The following LRRTM1 variants were observed in gnomAD, a reference collection of about 807,000 sequenced individuals.
LRRTM1 encodes leucine rich repeat transmembrane neuronal 1.
A neutral mutation model predicts 37.3 loss-of-function variants in LRRTM1; 8 were observed. The observed-to-expected ratio is 0.21, with a 90% CI of 0.13 to 0.39. LRRTM1 has a LOEUF of 0.39. Ranked by LOEUF, LRRTM1 falls within the 10% of genes least tolerant of loss-of-function variation. The pLI is 1.00. For synonymous variants in LRRTM1, 326 were observed against 316.8 expected (o/e 1.03, Z -0.31); for missense variants, 557 against 691.0 (o/e 0.81, Z 2.17).
downstream of LRRTM1, among the ~76,000 whole-genome samples, chr2:80,301,502 A>G (rs1352679346): frequency 6.6e-6 from 1 of 152,126 alleles, no homozygotes; most frequent in Non-Finnish European, 1.5e-5. Context: ...CCTAGGAGAA[A>G]CTGTCTGGCA....
rs1162011497 is a variant in LRRTM1, at chr2:80,303,583, C to T, written c.237G>A (p.Glu79=). ...ACCCCGTGAACTGGCCGGCGCGCAG[C>T]TCCGAGAGGCTGTTGTAGCGCAGGG... ...GLSLRYNSLS[E]LRAGQFTGLM... The change falls in exon 2 of 2, where the codon GAG becomes GAA. Residue 79 remains glutamate (E), a synonymous_variant. Coordinates refer to ENST00000295057, the MANE Select transcript of LRRTM1 (RefSeq NM_178839.5). This position sits in a 1 kb window ranked among gnomAD's most constrained non-coding sequence, Gnocchi z 7.7. 2 of 1,614,226 alleles carry T rather than the reference C, an allele frequency of 1.2e-6. No homozygotes were observed. The highest frequency in any genetic ancestry group is 1.7e-6 in the Non-Finnish European group (2 of 1,180,046).
chr2:80,295,569 C>G (rs1675669947), intron 2 of LRRTM1, among the ~76,000 whole-genome samples: 1 of 152,136 alleles, frequency 6.6e-6, no homozygotes, highest in Non-Finnish European at 1.5e-5. Context: ...CTCTTGAAAA[C>G]CACTTTTGTT....
intron 2 of LRRTM1, among the ~76,000 whole-genome samples, chr2:80,295,342 T>G (rs1289922140): frequency 6.6e-6 from 1 of 152,038 alleles, no homozygotes; most frequent in African/African-American, 2.4e-5. Flanking sequence ...CTTCTGCACA[T>G]TCTAAAAACC....
chr2:80,296,515 G>T (rs902397367), intron 2 of LRRTM1, among the ~76,000 whole-genome samples: 1 of 152,096 alleles, frequency 6.6e-6, no homozygotes, highest in Non-Finnish European at 1.5e-5. Flanking sequence ...GTTAACTTTT[G>T]CTGATTATCA....
downstream of LRRTM1, among the ~76,000 whole-genome samples, chr2:80,299,861 T>C (rs1676084251): frequency 6.6e-6 from 1 of 152,184 alleles, no homozygotes; most frequent in South Asian, 2.1e-4. Flanking sequence ...AGCTCTTTAA[T>C]GCACCAAGCC....
exon 3 of LRRTM1, chr2:80,288,505 A>G (rs1674966487): frequency 6.6e-6 from 1 of 152,232 alleles, no homozygotes; most frequent in South Asian, 2.1e-4. Context: ...GCTGTTTATT[A>G]CAGATGTGCT....
chr2:80,291,441 T>C (rs903301300), intron 2 of LRRTM1, among the ~76,000 whole-genome samples: 1 of 152,236 alleles, frequency 6.6e-6, no homozygotes, highest in Non-Finnish European at 1.5e-5. Flanking sequence ...AGTTTGTCTC[T>C]TGATACAGGA....
In LRRTM1 at chr2:80,303,023, T is replaced by C; in HGVS notation, c.797A>G (p.Asn266Ser). 6.2e-7 allele frequency: 1 copy of C among 1,613,708 alleles called. No homozygotes were observed. The highest frequency in any genetic ancestry group is 8.5e-7 in the Non-Finnish European group (1 of 1,179,966). Residue 266 changes from asparagine to serine, a missense_variant, in exon 2 of 2, where the codon AAC becomes AGC. This residue lies in a region of LRRTM1 where 200 missense variants were observed against 249.9 expected (regional missense o/e 0.80). Coordinates refer to ENST00000295057, the MANE Select transcript of LRRTM1 (RefSeq NM_178839.5). The surrounding 1 kb of genome is among the most constrained non-coding windows in gnomAD (Gnocchi z 7.7). ...ATGGGGCTCCATGTACTCGATCTCG[T>C]TGCCCGACAAGTCCATTTTCTCCAG... ...WNLEKMDLSG[N>S]EIEYMEPHVF...
In LRRTM1 at chr2:80,303,481, G is replaced by A. The variant is rs757711718; in HGVS notation, c.339C>T (p.Arg113=). The A allele has an allele frequency of 6.2e-7, 1 of 1,614,212 alleles. No individual in the cohort carries two copies. The highest frequency in any genetic ancestry group is 1.1e-5 in the South Asian group (1 of 91,088). Residue 113 remains arginine (R), a synonymous_variant, in exon 2 of 2, where the codon CGC becomes CGT. Transcript: ENST00000295057. This position sits in a 1 kb window ranked among gnomAD's most constrained non-coding sequence, Gnocchi z 7.7. ...SVQGDAFQKL[R]RVKELTLSSN... ...AACTCAGCGTGAGTTCCTTAACTCG[G>A]CGCAGTTTCTGAAAGGCGTCCCCCT...
chr2:80,294,660 A>AAC (rs1367582846), intron 2 of LRRTM1, among the ~76,000 whole-genome samples: 4 of 151,992 alleles, frequency 2.6e-5, no homozygotes, highest in South Asian at 4.2e-4. Flanking sequence ...TAATAATAAA[A>AAC]ATAATTCTCC....
intron 2 of LRRTM1, among the ~76,000 whole-genome samples, chr2:80,291,957 G>A (rs2149181133): frequency 6.6e-6 from 1 of 152,314 alleles, no homozygotes; most frequent in East Asian, 1.9e-4. Flanking sequence ...AGAAAGCTGG[G>A]AAGGAAGCCA....
At chr2:80,297,890 A>G (rs1675889736), downstream of LRRTM1, among the ~76,000 whole-genome samples, 1 of 152,140 alleles carries the variant, frequency 6.6e-6, no homozygotes, top group Non-Finnish European at 1.5e-5. Context: ...TTCCTGAATA[A>G]AAGTTTGATT....
In LRRTM1 at chr2:80,302,793, C is replaced by A. The variant is rs773863794; in HGVS notation, c.1027G>T (p.Ala343Ser). 5.0e-6 allele frequency: 8 copies of A among 1,613,446 alleles called. No individual in the cohort carries two copies. In the East Asian group the frequency reaches 8.9e-5, roughly 18 times the overall value. Reference protein sequence around the residue: ...QGRYDGNLQCASPEYAQGEDV... With the variant: ...QGRYDGNLQCSSPEYAQGEDV... The stretch of plus-strand genomic sequence containing the variant: ...TCGCCCTGTGCGTACTCCGGGCTGG[C>A]GCACTGCAAGTTGCCATCGTAGCGC... Residue 343 changes from alanine (A) to serine (S), a missense_variant, in exon 2 of 2, where the codon GCC (alanine) becomes TCC (serine). Ala to Ser is a moderately conservative substitution (Grantham distance 99). Around this residue, in one of 5 missense-constraint regions of LRRTM1, gnomAD observed 200 missense variants for 249.9 expected, o/e 0.80. Coordinates refer to ENST00000295057, the MANE Select transcript of LRRTM1 (RefSeq NM_178839.5). The surrounding 1 kb of genome is among the most constrained non-coding windows in gnomAD (Gnocchi z 6.4).
chr2:80,300,056 T>C (rs1676104506), downstream of LRRTM1, among the ~76,000 whole-genome samples: 5 of 152,294 alleles, frequency 3.3e-5, no homozygotes, highest in South Asian at 1.0e-3. Flanking sequence ...TTTTTCCTGC[T>C]ACCCCTGCTC....
At chr2:80,291,744 C>T (rs950085019) in intron 2 of LRRTM1, among the ~76,000 whole-genome samples, 1 of 152,180 alleles carries the variant, frequency 6.6e-6, no homozygotes, top group Non-Finnish European at 1.5e-5. Context: ...GATGTGGAAA[C>T]AGTTTTTCCA....
downstream of LRRTM1, among the ~76,000 whole-genome samples, chr2:80,297,632 A>G (rs1361878173): frequency 6.6e-6 from 1 of 152,168 alleles, no homozygotes; most frequent in African/African-American, 2.4e-5. Context: ...TGAATCCCAG[A>G]AAAACAAAAA....
chr2:80,302,611 G>T lies in LRRTM1; in HGVS notation c.1209C>A (p.Asp403Glu), dbSNP rs772304473. ...TLADGGEGQH[D>E]GTFEPATVAL... ...CCACGGTGGCAGGCTCGAATGTGCC[G>T]TCGTGCTGCCCCTCCCCGCCGTCCG... The change falls in exon 2 of 2, where the codon GAC becomes GAA. Residue 403 changes from aspartate (D) to glutamate (E), a missense_variant. Coordinates refer to ENST00000295057, the MANE Select transcript of LRRTM1 (RefSeq NM_178839.5). The surrounding 1 kb of genome is among the most constrained non-coding windows in gnomAD (Gnocchi z 6.4). The T allele has an allele frequency of 1.2e-6, 2 of 1,605,750 alleles. No individual in the cohort carries two copies. Among genetic ancestry groups the T allele is most frequent in the Non-Finnish European group, 1.7e-6 (2 of 1,178,548 alleles).
chr2:80,291,708 A>G (rs1675265967), intron 2 of LRRTM1, among the ~76,000 whole-genome samples: 1 of 152,198 alleles, frequency 6.6e-6, no homozygotes, highest in African/African-American at 2.4e-5. Context: ...ACCTCCAGGA[A>G]TTGACTATAG....
At chr2:80,293,653 C>T (rs947155353) in intron 2 of LRRTM1, among the ~76,000 whole-genome samples, 1 of 152,074 alleles carries the variant, frequency 6.6e-6, no homozygotes, top group Non-Finnish European at 1.5e-5. Context: ...TTGGTTATTT[C>T]CCCCAAAGAT....
Sources: allele counts gnomAD v4.1 joint callset (sites outside exome capture counted in the v4.1 genomes callset), GRCh38; gene constraint gnomAD v4.1.1; regional missense constraint gnomAD v4.1.1; non-coding constraint Gnocchi (gnomAD v3.1); transcripts MANE v1.5; gene names NCBI Gene and HGNC (gene_info 2026-07-23, HGNC 2026-07-21).